The following MBNL1 variants were observed in gnomAD, a reference collection of about 807,000 sequenced individuals.
The protein encoded by MBNL1 is muscleblind like splicing regulator 1.
Under a neutral mutation model 42.2 loss-of-function variants are expected in MBNL1, and 8 were observed. That is an observed-to-expected ratio of 0.19 (90% CI 0.11 to 0.34). The LOEUF (loss-of-function observed/expected upper bound fraction) is 0.34, where lower values mean the gene tolerates loss of function less well. Ranked by LOEUF, MBNL1 falls within the 10% of genes least tolerant of loss-of-function variation. The probability of loss-of-function intolerance (pLI) is 1.00; values close to 1 mark genes in which losing one functional copy is unlikely to be tolerated. For synonymous variants in MBNL1, 169 were observed against 173.9 expected (o/e 0.97, Z 0.22); for missense variants, 309 against 495.3 (o/e 0.62, Z 3.57).
chr3:152,268,702 C>T (rs1414956504), upstream of MBNL1: 4 of 453,618 alleles, frequency 8.8e-6, no homozygotes, highest in East Asian at 2.1e-4. Context: ...CCGCCCATGA[C>T]CCGCTCTTGC....
chr3:152,438,735 T>C (rs1022793548), intron 4 of MBNL1, among the ~76,000 whole-genome samples: 2 of 152,240 alleles, frequency 1.3e-5, no homozygotes, highest in African/African-American at 2.4e-5. Context: ...TACTAGCATC[T>C]CTTATTTAGG....
intron 2 of MBNL1, among the ~76,000 whole-genome samples, chr3:152,257,153 C>A (rs879304736): frequency 1.3e-5 from 2 of 152,038 alleles, no homozygotes; most frequent in African/African-American, 4.8e-5. Context: ...TTTTTAAGTG[C>A]GTGTGTGTGA....
chr3:152,296,469 G>A (rs2058575608), intron 1 of MBNL1, among the ~76,000 whole-genome samples: 1 of 152,124 alleles, frequency 6.6e-6, no homozygotes, highest in Admixed American at 6.5e-5. Context: ...TCATGCTTAA[G>A]GGCTACTGTT....
At chr3:152,417,810 A>G (rs527608782) in intron 3 of MBNL1, among the ~76,000 whole-genome samples, 6 of 152,322 alleles carry the variant, frequency 3.9e-5, no homozygotes, top group African/African-American at 1.4e-4. Context: ...TGCAACATAG[A>G]ATGGGGCATA....
intron 2 of MBNL1, among the ~76,000 whole-genome samples, chr3:152,371,572 G>A (rs1180427602): frequency 2.0e-5 from 3 of 152,126 alleles, no homozygotes; most frequent in African/African-American, 7.2e-5. Flanking sequence ...CTCCAGCCTG[G>A]GCAACAAGAG....
intron 9 of MBNL1, among the ~76,000 whole-genome samples, chr3:152,461,634 A>G (rs113837770): frequency 2.0e-5 from 3 of 152,194 alleles, no homozygotes; most frequent in African/African-American, 7.2e-5. Flanking sequence ...AGGAGTTGCA[A>G]CATTTAAACT....
intron 2 of MBNL1, among the ~76,000 whole-genome samples, chr3:152,319,360 T>G (rs1034553492): frequency 2.0e-5 from 3 of 152,086 alleles, no homozygotes; most frequent in Non-Finnish European, 2.9e-5. Context: ...AGTTCATTAG[T>G]TTTACAGATA....
intron 2 of MBNL1, among the ~76,000 whole-genome samples, chr3:152,377,967 C>A (rs1447684811): frequency 6.6e-6 from 1 of 152,112 alleles, no homozygotes; most frequent in East Asian, 1.9e-4. Context: ...ATTTGAGGAC[C>A]TGCTGTATAT....
intron 2 of MBNL1, among the ~76,000 whole-genome samples, chr3:152,322,635 G>A (rs12631193): frequency 0.54 from 82,501 of 151,854 alleles, 22,841 homozygotes; most frequent in Middle Eastern, 0.62. Context: ...TATTTTACGT[G>A]ACAGTTTTAT....
intron 2 of MBNL1, among the ~76,000 whole-genome samples, chr3:152,404,386 A>G (rs867380855): frequency 1.3e-5 from 2 of 152,202 alleles, no homozygotes; most frequent in Admixed American, 6.5e-5. Flanking sequence ...GTTGTTGGAA[A>G]CATATTACAT....
At chr3:152,275,486 A>G (rs1214253677) in intron 1 of MBNL1, among the ~76,000 whole-genome samples, 1 of 152,056 alleles carries the variant, frequency 6.6e-6, no homozygotes, top group Non-Finnish European at 1.5e-5. Context: ...CGAGGCAGGC[A>G]GATCACGAGG....
intron 1 of MBNL1, among the ~76,000 whole-genome samples, chr3:152,290,559 T>C (rs1000284637): frequency 6.6e-6 from 1 of 152,100 alleles, no homozygotes; most frequent in Non-Finnish European, 1.5e-5. Flanking sequence ...TTCATACTTA[T>C]TTTTGTGTTG....
At chr3:152,354,881 ACT>A (rs997761361) in intron 2 of MBNL1, among the ~76,000 whole-genome samples, 7 of 152,086 alleles carry the variant, frequency 4.6e-5, no homozygotes, top group African/African-American at 1.7e-4. Flanking sequence ...ACCTGTTTTC[ACT>A]CTGGTTTCTC....
At chr3:152,432,436 A>C (rs1343287261) in intron 3 of MBNL1, among the ~76,000 whole-genome samples, 2 of 149,882 alleles carry the variant, frequency 1.3e-5, no homozygotes, top group African/African-American at 4.9e-5. Context: ...TCTATTTTTC[A>C]AAAAAAAAAT....
At chr3:152,311,167 C>G (rs971992725) in intron 2 of MBNL1, among the ~76,000 whole-genome samples, 1 of 151,738 alleles carries the variant, frequency 6.6e-6, no homozygotes, top group African/African-American at 2.4e-5. Context: ...CACCACCATG[C>G]CCAGCTAATT....
At position 152,332,733 on chromosome 3, in the gene MBNL1, T is replaced by TGC. The variant is rs1455777180; in HGVS notation, c.174+32367_174+32368insCG. On this transcript the variant is annotated intron_variant, in intron 2 of 9. Transcript: ENST00000324210. The stretch of plus-strand genomic sequence containing the variant: ...GTGTGTGTGTGTGTGTGTGTGTGTG[T>TGC]GTGTGTGCGCGCGCGCATGCGCACA... 1.5e-3 allele frequency among the ~76,000 whole-genome samples: 199 copies of TGC among 133,572 alleles called. 1 individual carries two copies. Among genetic ancestry groups the TGC allele is most frequent in the Middle Eastern group, 7.1e-3 (2 of 280 alleles). The allele number at this position is 133,572 out of a possible 152,430, so 87.6% of individuals were successfully genotyped here.
intron 2 of MBNL1, among the ~76,000 whole-genome samples, chr3:152,373,006 G>A (rs945049679): frequency 6.6e-6 from 1 of 152,196 alleles, no homozygotes; most frequent in East Asian, 1.9e-4. Context: ...CCAGAGAGGA[G>A]GAATCTAGAG....
At chr3:152,265,565 A>G (rs751386811), upstream of MBNL1, 4 of 152,216 alleles carry the variant, frequency 2.6e-5, no homozygotes. Flanking sequence ...ACTGAAAAAG[A>G]TAAATGCTGC....
At chr3:152,381,113 T>C (rs147618898) in intron 2 of MBNL1, among the ~76,000 whole-genome samples, 16 of 152,072 alleles carry the variant, frequency 1.1e-4, no homozygotes, top group Non-Finnish European at 1.8e-4. Context: ...ATGTTTTCAT[T>C]ATAACAAGTT....
Sources: allele counts gnomAD v4.1 joint callset (sites outside exome capture counted in the v4.1 genomes callset), GRCh38; gene constraint gnomAD v4.1.1; transcripts MANE v1.5; gene names NCBI Gene and HGNC (gene_info 2026-07-23, HGNC 2026-07-21).